Variants in PPP1R16B observed in about 807,000 individuals in gnomAD.
PPP1R16B encodes the protein protein phosphatase 1 regulatory inhibitor subunit 16B.
In PPP1R16B, 14 loss-of-function variants were observed where a neutral mutation model predicts 61.7. That is an observed-to-expected ratio of 0.23 (90% CI 0.15 to 0.35). PPP1R16B has a LOEUF of 0.35. Among genes scored for constraint, PPP1R16B ranks in the 10% least tolerant of loss-of-function variants. PPP1R16B has a pLI of 1.00. For missense variants in PPP1R16B, 547 were observed against 752.5 expected (o/e 0.73, Z 3.19); for synonymous variants, 266 against 305.3 (o/e 0.87, Z 1.34).
intron 2 of PPP1R16B, among the ~76,000 whole-genome samples, chr20:38,836,852 C>T (rs1220150925): frequency 6.6e-6 from 1 of 152,172 alleles, no homozygotes; most frequent in Non-Finnish European, 1.5e-5. Flanking sequence ...ACAAGGATTC[C>T]AGCCTTTGGC....
At chr20:38,874,348 T>C (rs922837946) in intron 2 of PPP1R16B, among the ~76,000 whole-genome samples, 1 of 152,306 alleles carries the variant, frequency 6.6e-6, no homozygotes, top group South Asian at 2.1e-4. Flanking sequence ...AGCTAGTAGC[T>C]AAACACTTTA....
At chr20:38,855,982 A>AGAGGAGGAGGAGGAGGAGGAGGAGG (rs1449393855) in intron 2 of PPP1R16B, among the ~76,000 whole-genome samples, 1 of 41,566 alleles carries the variant, frequency 2.4e-5, no homozygotes, top group African/African-American at 1.5e-4. Flanking sequence ...AGAGAGAGAG[A>AGAGGAGGAGGAGGAGGAGGAGGAGG]AGGAGGAGGA....
chr20:38,855,754 G>A (rs1055072214), intron 2 of PPP1R16B, among the ~76,000 whole-genome samples: 2 of 151,588 alleles, frequency 1.3e-5, no homozygotes, highest in Admixed American at 1.3e-4. Context: ...TGCCCCCATT[G>A]TGGCTGAGAC....
chr20:38,855,502 T>C (rs1267039245), intron 2 of PPP1R16B, among the ~76,000 whole-genome samples: 1 of 152,124 alleles, frequency 6.6e-6, no homozygotes, highest in African/African-American at 2.4e-5. Flanking sequence ...GGCTCATGAC[T>C]TTCTTCTCCA....
At chr20:38,822,985 T>G (rs1018756432) in intron 1 of PPP1R16B, among the ~76,000 whole-genome samples, 1 of 152,136 alleles carries the variant, frequency 6.6e-6, no homozygotes, top group Admixed American at 6.5e-5. Flanking sequence ...AGAGAAGTTA[T>G]CATGTTCAAA....
chr20:38,894,437 C>G (rs2085319259), intron 3 of PPP1R16B, among the ~76,000 whole-genome samples: 1 of 152,238 alleles, frequency 6.6e-6, no homozygotes, highest in African/African-American at 2.4e-5. Context: ...CCTCACTGTC[C>G]CCTCCCAACG....
intron 1 of PPP1R16B, among the ~76,000 whole-genome samples, chr20:38,834,771 T>G (rs1294317294): frequency 6.6e-6 from 1 of 152,086 alleles, no homozygotes; most frequent in East Asian, 1.9e-4. Context: ...CCATGATATA[T>G]TATAACAATA....
chr20:38,887,104 G>T (rs2085251308), intron 2 of PPP1R16B, among the ~76,000 whole-genome samples: 2 of 152,068 alleles, frequency 1.3e-5, no homozygotes, highest in South Asian at 4.1e-4. Flanking sequence ...GGATGATGGT[G>T]GTTGGATGGA....
In PPP1R16B at chr20:38,919,559, G is replaced by A. The variant is rs2085574407; in HGVS notation, c.*893G>A. 1 of 152,224 alleles carries A rather than the reference G, an allele frequency of 6.6e-6. No homozygotes were observed. Among genetic ancestry groups the A allele is most frequent in the South Asian group, 2.1e-4 (1 of 4,830 alleles). The allele number at this position is 152,224 out of a possible 1,614,324, so 9.4% of individuals were successfully genotyped here. ...CTTTAGTCTGTAAAACTCCTAGAGG[G>A]AGGGAGGTAACTGAATTCACTTCTT... On this transcript the variant is annotated 3_prime_UTR_variant, in exon 11 of 11. Transcript: ENST00000299824.
chr20:38,868,445 C>T (rs981765391), intron 2 of PPP1R16B, among the ~76,000 whole-genome samples: 30 of 151,320 alleles, frequency 2.0e-4, no homozygotes, highest in Admixed American at 1.7e-3. Context: ...AGTGCAGTGG[C>T]GTGATCTCAG....
At chr20:38,916,347 AT>A (rs1472016800) in intron 10 of PPP1R16B, among the ~76,000 whole-genome samples, 2 of 148,112 alleles carry the variant, frequency 1.4e-5, no homozygotes, top group African/African-American at 4.9e-5. Context: ...ATACATATAT[AT>A]GTTATATGTA....
chr20:38,836,347 T>C (rs80216039), intron 2 of PPP1R16B, among the ~76,000 whole-genome samples, 172 bp downstream of exon 2: 3,969 of 135,058 alleles, frequency 0.029, 90 homozygotes, highest in Admixed American at 0.082. Context: ...ACTTCGAATT[T>C]ATCTTAGACT....
intron 1 of PPP1R16B, among the ~76,000 whole-genome samples, chr20:38,831,817 C>T (rs2084839089): frequency 6.6e-6 from 1 of 152,266 alleles, no homozygotes; most frequent in East Asian, 1.9e-4. Flanking sequence ...AACCAACAAA[C>T]ACGATGTGGA....
At chr20:38,856,152 T>C (rs991587717) in intron 2 of PPP1R16B, among the ~76,000 whole-genome samples, 2 of 151,208 alleles carry the variant, frequency 1.3e-5, no homozygotes, top group Non-Finnish European at 2.9e-5. Flanking sequence ...GAGAATTGGA[T>C]AATGAAGAAG....
chr20:38,820,281 G>C (rs762508689), intron 1 of PPP1R16B, among the ~76,000 whole-genome samples: 1 of 152,186 alleles, frequency 6.6e-6, no homozygotes, highest in Non-Finnish European at 1.5e-5. Flanking sequence ...ATTGCTGGCC[G>C]GGCGCAGTGG....
At chr20:38,823,495 G>T (rs1288007026) in intron 1 of PPP1R16B, among the ~76,000 whole-genome samples, 2 of 152,128 alleles carry the variant, frequency 1.3e-5, no homozygotes, top group Non-Finnish European at 2.9e-5. Flanking sequence ...ACAAAAATTA[G>T]CTGGGCAGAG....
In PPP1R16B at chr20:38,918,623, A is replaced by G. The variant is rs760788732; in HGVS notation, c.1661A>G (p.Glu554Gly). Residue 554 changes from glutamate to glycine, a missense_variant, in exon 11 of 11, where the codon GAG becomes GGG. By Grantham distance (98) the Glu-to-Gly change is moderately conservative (BLOSUM62 -2). Coordinates refer to ENST00000299824, the MANE Select transcript of PPP1R16B (RefSeq NM_015568.4). The surrounding 1 kb of genome is among the most constrained non-coding windows in gnomAD (Gnocchi z 5.3). ...CTCTTAAAGTTCAAGGCCCCCATAGAGGAGATGGAGGAGAAGGTGCATGGC... is the reference window on the plus strand; with the variant it reads ...CTCTTAAAGTTCAAGGCCCCCATAGGGGAGATGGAGGAGAAGGTGCATGGC... ...PPLLKFKAPI[E>G]EMEEKVHGCC... 1 of 1,519,720 alleles carries G rather than the reference A, an allele frequency of 6.6e-7. No individual in the cohort carries two copies. The highest frequency in any genetic ancestry group is 2.2e-5 in the Admixed American group (1 of 44,996). 94.1% of individuals were successfully genotyped at this position (1,519,720 alleles called of 1,614,324 possible).
At chr20:38,825,005 C>T (rs1467791605) in intron 1 of PPP1R16B, among the ~76,000 whole-genome samples, 1 of 152,238 alleles carries the variant, frequency 6.6e-6, no homozygotes, top group African/African-American at 2.4e-5. Flanking sequence ...AAAAAAAATT[C>T]TATACCAACT....
chr20:38,830,934 G>T (rs983254631), intron 1 of PPP1R16B, among the ~76,000 whole-genome samples: 2 of 152,122 alleles, frequency 1.3e-5, no homozygotes, highest in Non-Finnish European at 2.9e-5. Flanking sequence ...GCATGTTTTT[G>T]GTACCTTCCA....
Sources: gnomAD v4.1 joint callset for allele counts (sites outside exome capture counted in the v4.1 genomes callset) on GRCh38, gnomAD v4.1.1 for gene constraint, Gnocchi (gnomAD v3.1) non-coding constraint, MANE v1.5 for transcripts, NCBI Gene and HGNC (gene_info 2026-07-23, HGNC 2026-07-21) for gene names.